The following OTUD3 variants were observed in gnomAD, a reference collection of about 807,000 sequenced individuals.
The protein encoded by OTUD3 is OTU deubiquitinase 3, also known as OTU domain-containing protein 3.
A neutral mutation model predicts 46.2 loss-of-function variants in OTUD3; 24 were observed. The ratio of observed to expected loss-of-function variants is 0.52; its 90% CI spans 0.38 to 0.73. OTUD3 has a LOEUF of 0.73. Ranked by LOEUF, OTUD3 falls within the 30% of genes least tolerant of loss-of-function variation. The pLI, the probability that OTUD3 is intolerant of heterozygous loss-of-function variation, is 0.00. For missense variants in OTUD3, 455 were observed against 523.3 expected (o/e 0.87, Z 1.27); for synonymous variants, 189 against 195.4 (o/e 0.97, Z 0.27).
At chr1:19,886,482 C>T (rs2045362866) in intron 1 of OTUD3, among the ~76,000 whole-genome samples, 1 of 152,146 alleles carries the variant, frequency 6.6e-6, no homozygotes, top group African/African-American at 2.4e-5. Context: ...TTGTGCCTCA[C>T]TCAGTGGTTT....
chr1:19,910,898 C>T lies in OTUD3; in HGVS notation c.*3152C>T, dbSNP rs150331952. ...TACACAGGTAGCATCAGGTGGACTT[C>T]AGCGCTGAACTGTACTAGTAGTGAG... On this transcript the variant is annotated 3_prime_UTR_variant, in exon 8 of 8. Coordinates refer to ENST00000375120, the MANE Select transcript of OTUD3 (RefSeq NM_015207.2). 3.9e-5 allele frequency: 6 copies of T among 152,488 alleles called. No individual in the cohort carries two copies. Among genetic ancestry groups the T allele is most frequent in the African/African-American group, 7.2e-5 (3 of 41,572 alleles). 9.4% of individuals were successfully genotyped at this position (152,488 alleles called of 1,614,324 possible).
intron 4 of OTUD3, among the ~76,000 whole-genome samples, chr1:19,903,040 CTTTTTTTTTTTTT>C (rs36114504): frequency 1.4e-4 from 8 of 58,052 alleles, no homozygotes; most frequent in African/African-American, 2.8e-4. Context: ...AATCTTTTCT[CTTTTTTTTTTTTT>C]TTTTTTTTTT....
At chr1:19,888,497 A>AGT (rs1203468443) in intron 1 of OTUD3, among the ~76,000 whole-genome samples, 2 of 152,234 alleles carry the variant, frequency 1.3e-5, no homozygotes, top group African/African-American at 4.8e-5. Context: ...AAGTTTGGTA[A>AGT]GTAATGAAAA....
rs1335023363 is a variant in OTUD3 at position 19,909,033 on chromosome 1, T to A, written c.*1287T>A. On this transcript the variant is annotated 3_prime_UTR_variant, in exon 8 of 8. Coordinates refer to ENST00000375120, the MANE Select transcript of OTUD3 (RefSeq NM_015207.2). ...GTTAGGTGGATGTGAACTTAAGAACTATAACGTATGAGGCAGCCCATCTTG... is the reference window on the plus strand; with the variant it reads ...GTTAGGTGGATGTGAACTTAAGAACAATAACGTATGAGGCAGCCCATCTTG... The A allele has an allele frequency of 1.3e-5, 2 of 152,378 alleles. No individual in the cohort carries two copies. The highest frequency in any genetic ancestry group is 3.7e-4 in the East Asian group (2 of 5,342). 9.4% of individuals were successfully genotyped at this position (152,378 alleles called of 1,614,324 possible).
At chr1:19,907,451 T>C (rs568032677) in intron 7 of OTUD3, 119 bp from the exon 8 acceptor site, 1 of 829,152 alleles carries the variant, frequency 1.2e-6, no homozygotes, top group South Asian at 1.9e-5. Context: ...GCGTCTTAGA[T>C]TGGTTTTCCC....
At chr1:19,905,099 GA>G in intron 6 of OTUD3, 112 bp downstream of exon 6, 1 of 671,508 alleles carries the variant, frequency 1.5e-6, no homozygotes, top group African/African-American at 1.8e-5. Context: ...ATTCATTTAG[GA>G]GTTGTTTATT....
intron 4 of OTUD3, among the ~76,000 whole-genome samples, chr1:19,901,585 G>A (rs1417408232): frequency 6.6e-6 from 1 of 152,102 alleles, no homozygotes; most frequent in African/African-American, 2.4e-5. Context: ...CAGTACATCT[G>A]CAGTGTTTGT....
chr1:19,894,340 G>A (rs553747914), intron 2 of OTUD3, 28 bp from the exon 3 acceptor site: 20 of 1,357,068 alleles, frequency 1.5e-5, no homozygotes, highest in African/African-American at 5.8e-5. Flanking sequence ...CTATAAAGAC[G>A]TCATTTTTCT....
At chr1:19,907,484 G>C (rs1180409096) in intron 7 of OTUD3, 86 bp from the exon 8 acceptor site, 1 of 1,313,794 alleles carries the variant, frequency 7.6e-7, no homozygotes, top group Admixed American at 1.9e-5. Flanking sequence ...AAAGCAATCT[G>C]TGCCCTTTGC....
chr1:19,900,831 A>G (rs1348344661), intron 4 of OTUD3, among the ~76,000 whole-genome samples: 1 of 148,474 alleles, frequency 6.7e-6, no homozygotes, highest in Non-Finnish European at 1.5e-5. Context: ...GTTTCCTTAT[A>G]TGTTGTCTTT....
intron 2 of OTUD3, among the ~76,000 whole-genome samples, chr1:19,893,455 T>C (rs539675916): frequency 7.9e-5 from 12 of 152,332 alleles, no homozygotes; most frequent in African/African-American, 2.2e-4. Flanking sequence ...ATTCTCCTCA[T>C]AGCATCTGTG....
intron 6 of OTUD3, among the ~76,000 whole-genome samples, chr1:19,906,159 T>C (rs1339678767): frequency 6.6e-6 from 1 of 152,256 alleles, no homozygotes; most frequent in African/African-American, 2.4e-5. Flanking sequence ...CCATAAAAAT[T>C]CATGTTAAGA....
In OTUD3 at chr1:19,907,759, T is replaced by G. The variant is rs768531947; in HGVS notation, c.*13T>G. On this transcript the variant is annotated 3_prime_UTR_variant, in exon 8 of 8. Transcript: ENST00000375120. ...TCTCAACATCTGACTCTTTGGCCTC[T>G]TGGGAGTTGTAAGAAGCGGCTGGAA... 47 of 1,611,786 alleles carry G rather than the reference T, an allele frequency of 2.9e-5. No homozygotes were observed. In the Middle Eastern group the frequency reaches 5.0e-4, roughly 17 times the overall value.
At position 19,907,865 on chromosome 1, in the gene OTUD3, C is replaced by A; in HGVS notation, c.*119C>A. On this transcript the variant is annotated 3_prime_UTR_variant, in exon 8 of 8. Transcript: ENST00000375120. Reference sequence around the variant, plus strand: ...ACAACCAACGAAGCCCACACATGAGCTCACACACTGAGTTAGTTTCGTTCA... The same window carrying A: ...ACAACCAACGAAGCCCACACATGAGATCACACACTGAGTTAGTTTCGTTCA... 1 of 836,982 alleles carries A rather than the reference C, an allele frequency of 1.2e-6. No homozygotes were observed. The highest frequency in any genetic ancestry group is 1.8e-6 in the Non-Finnish European group (1 of 545,434). 51.8% of individuals were successfully genotyped at this position (836,982 alleles called of 1,614,324 possible). A position where few individuals can be genotyped will look rare whatever the true frequency, so the allele number is the denominator to read the frequency against.
intron 3 of OTUD3, among the ~76,000 whole-genome samples, chr1:19,896,464 TG>T (rs2045519864): frequency 6.6e-6 from 1 of 152,176 alleles, no homozygotes; most frequent in Admixed American, 6.5e-5. Context: ...TTGCTCTTCC[TG>T]GGAGACAAAT....
rs1216635082 is a variant in OTUD3, at chr1:19,912,874, A to G, written c.*5128A>G. The stretch of plus-strand genomic sequence containing the variant: ...AATCTTCGATACTTGGTGCAATAGA[A>G]GCTGCAAAGATGTGCCACTTTATCT... On this transcript the variant is annotated 3_prime_UTR_variant, in exon 8 of 8. Transcript: ENST00000375120. The G allele has an allele frequency of 2.0e-5, 3 of 152,386 alleles. No individual in the cohort carries two copies. Among genetic ancestry groups the G allele is most frequent in the Non-Finnish European group, 4.4e-5 (3 of 68,048 alleles). The allele number at this position is 152,386 out of a possible 1,614,324, so 9.4% of individuals were successfully genotyped here.
intron 1 of OTUD3, among the ~76,000 whole-genome samples, chr1:19,886,720 C>G (rs2045366951): frequency 6.6e-6 from 1 of 152,214 alleles, no homozygotes; most frequent in Admixed American, 6.5e-5. Flanking sequence ...TGCAACATAA[C>G]CACCTGGACT....
chr1:19,890,358 T>C (rs769848284), intron 1 of OTUD3, 27 bp from the exon 2 acceptor site: 1 of 1,611,238 alleles, frequency 6.2e-7, no homozygotes, highest in Non-Finnish European at 8.5e-7. Context: ...TTTTGAAAGG[T>C]CTTGACTCGT....
At chr1:19,888,816 TTG>T (rs1035405634) in intron 1 of OTUD3, among the ~76,000 whole-genome samples, 8 of 152,334 alleles carry the variant, frequency 5.3e-5, no homozygotes, top group African/African-American at 1.9e-4. Flanking sequence ...TGGCATACGT[TTG>T]TGTGTGTTTC....
Sources: gnomAD v4.1 joint callset for allele counts (sites outside exome capture counted in the v4.1 genomes callset) on GRCh38, gnomAD v4.1.1 for gene constraint, MANE v1.5 for transcripts, NCBI Gene and HGNC (gene_info 2026-07-23, HGNC 2026-07-21) for gene names.